The following NECTIN2 variants were observed in gnomAD, a reference collection of about 807,000 sequenced individuals.
NECTIN2 encodes nectin-2.
Under a neutral mutation model 56.9 loss-of-function variants are expected in NECTIN2, and 23 were observed. That is an observed-to-expected ratio of 0.40 (90% CI 0.29 to 0.57). The LOEUF (loss-of-function observed/expected upper bound fraction) is 0.57, where lower values mean the gene tolerates loss of function less well. NECTIN2 is among the 20% of genes least tolerant of loss of function. The pLI is 0.38. For synonymous variants in NECTIN2, 302 were observed against 313.8 expected, an observed-to-expected ratio of 0.96 and a Z score of 0.40; for missense variants, 587 against 718.3, an observed-to-expected ratio of 0.82 and a Z score of 2.09.
intron 1 of NECTIN2, among the ~76,000 whole-genome samples, chr19:44,862,984 T>C (rs1169479097): frequency 1.9e-5 from 1 of 51,356 alleles, no homozygotes; most frequent in Non-Finnish European, 3.8e-5. Flanking sequence ...CCGTCTCTAC[T>C]AAAAATACAA....
rs936768642 is a variant in NECTIN2 at position 44,875,788 on chromosome 19, C to T, written c.1042+1310C>T. ...ATGCACACACACTTGCAGGGACACC[C>T]GAGGGAAAACAGACACCTCTTCAGG... On this transcript the variant is annotated intron_variant, in intron 5 of 8. Coordinates refer to ENST00000252483, the MANE Select transcript of NECTIN2 (RefSeq NM_001042724.2). This position sits in a 1 kb window ranked among gnomAD's most constrained non-coding sequence, Gnocchi z 4.2. 2.6e-5 allele frequency among the ~76,000 whole-genome samples: 4 copies of T among 152,158 alleles called. No individual in the cohort carries two copies. The highest frequency in any genetic ancestry group is 7.2e-5 in the African/African-American group (3 of 41,424).
At chr19:44,869,925 G>A (rs1324965674) in intron 2 of NECTIN2, among the ~76,000 whole-genome samples, 3 of 152,198 alleles carry the variant, frequency 2.0e-5, no homozygotes, top group East Asian at 1.9e-4. Context: ...TGCATCCTGG[G>A]TGACAGCAAG....
chr19:44,861,853 A>C (rs1969035199), intron 1 of NECTIN2, among the ~76,000 whole-genome samples: 2 of 152,320 alleles, frequency 1.3e-5, no homozygotes, highest in African/African-American at 4.8e-5. Flanking sequence ...CAACAGATGC[A>C]GGCAAGGTTG....
intron 5 of NECTIN2, among the ~76,000 whole-genome samples, chr19:44,880,647 TG>T (rs1321690731): frequency 7.4e-5 from 11 of 148,820 alleles, no homozygotes; most frequent in Admixed American, 4.1e-4. Flanking sequence ...TTTTAAGAAG[TG>T]GGGTGGTCTC....
intron 5 of NECTIN2, among the ~76,000 whole-genome samples, chr19:44,879,198 A>G (rs542867673): frequency 6.6e-6 from 1 of 151,966 alleles, no homozygotes; most frequent in South Asian, 2.1e-4. Context: ...AGGCCTGGAC[A>G]TTTGGACTCC....
chr19:44,879,292 G>A (rs772744432), intron 5 of NECTIN2, among the ~76,000 whole-genome samples: 3 of 152,022 alleles, frequency 2.0e-5, no homozygotes, highest in African/African-American at 7.3e-5. Flanking sequence ...CTGGGCCCTC[G>A]GGTGGAGGTG....
chr19:44,864,753 A>G (rs3112440), intron 1 of NECTIN2, among the ~76,000 whole-genome samples: 129,420 of 151,922 alleles, frequency 0.85, 55,176 homozygotes, highest in East Asian at 0.94. Context: ...GCGTGAACCC[A>G]GGAGGCGGAG....
chr19:44,886,988 C>T (rs1969368198), intron 8 of NECTIN2, among the ~76,000 whole-genome samples: 1 of 151,646 alleles, frequency 6.6e-6, no homozygotes. Flanking sequence ...TACACTCCAG[C>T]CTGGGCATCA....
chr19:44,877,308 T>C (rs1029905626), intron 5 of NECTIN2, among the ~76,000 whole-genome samples: 8 of 152,042 alleles, frequency 5.3e-5, no homozygotes, highest in African/African-American at 1.7e-4. Flanking sequence ...GGGAAGTGGA[T>C]GTGGGTAGGT....
At position 44,875,118 on chromosome 19, in the gene NECTIN2, T is replaced by G. The variant is rs1969221628; in HGVS notation, c.1042+640T>G. On this transcript the variant is annotated intron_variant, in intron 5 of 8. Transcript: ENST00000252483. The surrounding 1 kb of genome is among the most constrained non-coding windows in gnomAD (Gnocchi z 4.2). ...AGACACTCCCTGTGCTGAGAAATTC[T>G]GTTGCAGAGATGCATCAGAATCCAG... Among the ~76,000 whole-genome samples, 1 of 152,182 alleles carries G rather than the reference T, an allele frequency of 6.6e-6. No homozygotes were observed. The highest frequency in any genetic ancestry group is 6.5e-5 in the Admixed American group (1 of 15,276).
chr19:44,880,895 C>T (rs1406971247), intron 5 of NECTIN2, among the ~76,000 whole-genome samples: 1 of 151,892 alleles, frequency 6.6e-6, no homozygotes, highest in African/African-American at 2.4e-5. Context: ...GCCTCAGCCT[C>T]CTGAGTAGCT....
intron 3 of NECTIN2, among the ~76,000 whole-genome samples, chr19:44,873,427 G>C (rs930077510): frequency 5.9e-5 from 9 of 152,300 alleles, no homozygotes; most frequent in African/African-American, 1.9e-4. Flanking sequence ...GAGGTCAGGA[G>C]TTCGGGACTA....
At chr19:44,860,304 C>T (rs1464126351) in intron 1 of NECTIN2, among the ~76,000 whole-genome samples, 16 of 152,120 alleles carry the variant, frequency 1.1e-4, no homozygotes, top group Admixed American at 8.5e-4. Flanking sequence ...GCAGGTGGAT[C>T]GCTTGAGCTC....
intron 3 of NECTIN2, 53 bp from the exon 4 acceptor site, chr19:44,873,863 C>A: frequency 7.2e-7 from 1 of 1,393,572 alleles, no homozygotes; most frequent in Non-Finnish European, 1.0e-6. Flanking sequence ...CTAACTTGTC[C>A]ACCCGCTCTG....
chr19:44,848,595 C>A (rs997397872), intron 1 of NECTIN2, among the ~76,000 whole-genome samples: 1 of 152,112 alleles, frequency 6.6e-6, no homozygotes, highest in African/African-American at 2.4e-5. Flanking sequence ...CGGCCCCTTT[C>A]TTGACCACCC....
chr19:44,874,103 AG>A lies in NECTIN2; in HGVS notation c.893+73del. 7.4e-7 allele frequency: 1 copy of A among 1,344,502 alleles called. No homozygotes were observed. Among genetic ancestry groups the A allele is most frequent in the Non-Finnish European group, 1.0e-6 (1 of 965,110 alleles). The allele number at this position is 1,344,502 out of a possible 1,614,324, so 83.3% of individuals were successfully genotyped here. A position where few individuals can be genotyped will look rare whatever the true frequency, so the allele number is the denominator to read the frequency against. On this transcript the variant is annotated intron_variant, in intron 4 of 8. Coordinates refer to ENST00000252483, the MANE Select transcript of NECTIN2 (RefSeq NM_001042724.2). This position sits in a 1 kb window ranked among gnomAD's most constrained non-coding sequence, Gnocchi z 6.3. ...CTGGGGGCCTGGACTCCTGGATCTA[AG>A]GGAGGAGGGGCTGGGGGCCTGGACT...
At chr19:44,884,970 CT>C (rs960970178) in intron 6 of NECTIN2, among the ~76,000 whole-genome samples, 15 of 152,064 alleles carry the variant, frequency 9.9e-5, no homozygotes, top group African/African-American at 3.4e-4. Context: ...CGACCCAGAT[CT>C]TTCTTTTTTT....
chr19:44,871,772 T>C (rs1298486855), intron 2 of NECTIN2, 81 bp from the exon 3 acceptor site: 2 of 1,484,306 alleles, frequency 1.3e-6, no homozygotes. Context: ...AGTTAGGGCC[T>C]AACCACCCTG....
At position 44,858,480 on chromosome 19, in the gene NECTIN2, G is replaced by A. The variant is rs530859465; in HGVS notation, c.89-6791G>A. Among the ~76,000 whole-genome samples the A allele has an allele frequency of 2.8e-4, 43 of 151,562 alleles. No homozygotes were observed. In the South Asian group the frequency reaches 3.3e-3, roughly 12 times the overall value. ...TGGGAATACAGGGGCCCGCCACCAC[G>A]CCCAGCTAATTTTTGTATTTTTGGT... On this transcript the variant is annotated intron_variant, in intron 1 of 8. Coordinates refer to ENST00000252483, the MANE Select transcript of NECTIN2 (RefSeq NM_001042724.2).
Sources: gnomAD v4.1 joint callset for allele counts (sites outside exome capture counted in the v4.1 genomes callset) on GRCh38, gnomAD v4.1.1 for gene constraint, Gnocchi (gnomAD v3.1) non-coding constraint, MANE v1.5 for transcripts, NCBI Gene and HGNC (gene_info 2026-07-23, HGNC 2026-07-21) for gene names.